Variants in RB1CC1 observed in about 807,000 individuals in gnomAD.
The protein encoded by RB1CC1 is RB1-inducible coiled-coil protein 1.
In RB1CC1, 46 loss-of-function variants were observed where a neutral mutation model predicts 177.5. The ratio of observed to expected loss-of-function variants is 0.26; its 90% CI spans 0.20 to 0.33. The LOEUF (loss-of-function observed/expected upper bound fraction) is 0.33, where lower values mean the gene tolerates loss of function less well. Ranked by LOEUF, RB1CC1 falls within the 10% of genes least tolerant of loss-of-function variation. RB1CC1 has a pLI of 1.00. For missense variants in RB1CC1, 1,703 were observed against 1,816.3 expected (o/e 0.94, Z 1.13); for synonymous variants, 666 against 613.6 (o/e 1.09, Z -1.26).
intron 5 of RB1CC1, among the ~76,000 whole-genome samples, chr8:52,678,925 T>A (rs16918091): frequency 0.024 from 3,604 of 152,278 alleles, 164 homozygotes; most frequent in African/African-American, 0.082. Flanking sequence ...GATAATGAAG[T>A]AAAGATGTCT....
intron 1 of RB1CC1, among the ~76,000 whole-genome samples, chr8:52,687,708 G>A (rs1415427688): frequency 6.6e-6 from 1 of 152,114 alleles, no homozygotes; most frequent in African/African-American, 2.4e-5. Flanking sequence ...TCCTTTCCTA[G>A]TTGAGCCTCA....
intron 19 of RB1CC1, among the ~76,000 whole-genome samples, chr8:52,635,758 C>A (rs1325986799): frequency 6.6e-6 from 1 of 152,004 alleles, no homozygotes; most frequent in Non-Finnish European, 1.5e-5. Flanking sequence ...TAAAAACTAC[C>A]AACTTTTTCC....
intron 20 of RB1CC1, among the ~76,000 whole-genome samples, chr8:52,631,435 C>G (rs902775342): frequency 2.6e-5 from 4 of 152,098 alleles, no homozygotes; most frequent in African/African-American, 9.7e-5. Context: ...AGCAAAGACA[C>G]CTGGTGACCA....
intron 10 of RB1CC1, 28 bp downstream of exon 10, chr8:52,661,067 C>T: frequency 1.9e-6 from 3 of 1,611,100 alleles, no homozygotes; most frequent in Non-Finnish European, 2.5e-6. Flanking sequence ...AGTTCATATA[C>T]AGTTAAAATA....
Position 52,622,553 on chromosome 8 carries a change from T to TA in RB1CC1, c.*1228dup, listed in dbSNP as rs1386254416. ...TTTTGTACTATTAGATATACATATT[T>TA]AAAAAAATATTTAACTTATTTTTAT... On this transcript the variant is annotated 3_prime_UTR_variant, in exon 24 of 24. Transcript: ENST00000025008. 2 of 151,984 alleles carry TA rather than the reference T, an allele frequency of 1.3e-5. No homozygotes were observed. The highest frequency in any genetic ancestry group is 4.8e-5 in the African/African-American group (2 of 41,408). The allele number at this position is 151,984 out of a possible 1,614,324, so 9.4% of individuals were successfully genotyped here.
intron 19 of RB1CC1, 149 bp from the exon 20 acceptor site, chr8:52,635,117 A>C: frequency 1.5e-6 from 1 of 687,172 alleles, no homozygotes. Context: ...ATTCTTTCCA[A>C]ATGTTTTCAT....
chr8:52,655,704 CAA>C (rs1200145297), intron 15 of RB1CC1, among the ~76,000 whole-genome samples: 6 of 151,740 alleles, frequency 4.0e-5, no homozygotes, highest in South Asian at 2.1e-4. Flanking sequence ...GCAAATAAAT[CAA>C]GAGAGAAACT....
At chr8:52,670,484 T>C (rs1852471399) in intron 7 of RB1CC1, among the ~76,000 whole-genome samples, 1 of 152,190 alleles carries the variant, frequency 6.6e-6, no homozygotes, top group South Asian at 2.1e-4. Context: ...ACACTCTCTA[T>C]TCTTAAGCCT....
chr8:52,637,212 G>T (rs889743096), intron 18 of RB1CC1, among the ~76,000 whole-genome samples: 1 of 152,158 alleles, frequency 6.6e-6, no homozygotes, highest in African/African-American at 2.4e-5. Flanking sequence ...AGTAAACACA[G>T]GATGCCCTAC....
chr8:52,661,742 A>C (rs1258789964), intron 8 of RB1CC1, 23 bp from the exon 9 acceptor site: 1 of 1,505,718 alleles, frequency 6.6e-7, no homozygotes, highest in Non-Finnish European at 8.9e-7. Flanking sequence ...AAATGTTTCA[A>C]AGGACATTAA....
chr8:52,691,367 T>TC (rs1246721848), intron 1 of RB1CC1, among the ~76,000 whole-genome samples: 1 of 152,182 alleles, frequency 6.6e-6, no homozygotes, highest in Non-Finnish European at 1.5e-5. Flanking sequence ...TGCACACACC[T>TC]CACCCTAAGA....
At chr8:52,712,729 CAT>C (rs1857164919) in intron 1 of RB1CC1, among the ~76,000 whole-genome samples, 1 of 152,144 alleles carries the variant, frequency 6.6e-6, no homozygotes. Flanking sequence ...GCATCCCTGA[CAT>C]AAAACTTTAT....
intron 21 of RB1CC1, among the ~76,000 whole-genome samples, chr8:52,628,375 G>A (rs916535831): frequency 2.2e-4 from 34 of 152,202 alleles, no homozygotes; most frequent in Middle Eastern, 3.4e-3. Context: ...ATGATGTCAG[G>A]GGCTGTCAAA....
intron 8 of RB1CC1, among the ~76,000 whole-genome samples, chr8:52,667,468 T>C (rs1389327061): frequency 6.6e-6 from 1 of 152,304 alleles, no homozygotes; most frequent in African/African-American, 2.4e-5. Context: ...CTAGCCATGG[T>C]GGGTGAAGGA....
chr8:52,629,114 CAG>C (rs1848588646), intron 21 of RB1CC1, among the ~76,000 whole-genome samples: 1 of 152,064 alleles, frequency 6.6e-6, no homozygotes, highest in Non-Finnish European at 1.5e-5. Flanking sequence ...CTGGTAAAGA[CAG>C]ATACCACTAA....
intron 7 of RB1CC1, among the ~76,000 whole-genome samples, chr8:52,671,000 A>T (rs2150542331): frequency 6.6e-6 from 1 of 152,274 alleles, no homozygotes; most frequent in South Asian, 2.1e-4. Flanking sequence ...ACTAAAATCT[A>T]AAAATATGAG....
intron 18 of RB1CC1, among the ~76,000 whole-genome samples, chr8:52,641,450 T>C (rs565197712): frequency 6.6e-6 from 1 of 151,764 alleles, no homozygotes; most frequent in Admixed American, 6.6e-5. Flanking sequence ...GCAACCCTGC[T>C]GGTGTATCAT....
At chr8:52,643,112 G>C (rs761514491) in intron 16 of RB1CC1, 2 of 196,650 alleles carry the variant, frequency 1.0e-5, no homozygotes, top group Non-Finnish European at 2.0e-5. Flanking sequence ...AGTGCTGTTA[G>C]ACACTTACTT....
intron 4 of RB1CC1, 55 bp from the exon 5 acceptor site, chr8:52,683,774 C>T (rs1055237047): frequency 1.3e-5 from 20 of 1,556,600 alleles, no homozygotes; most frequent in African/African-American, 8.3e-5. Flanking sequence ...AAATACTGAG[C>T]GTGCACATTG....
Sources: gnomAD v4.1 joint callset for allele counts (sites outside exome capture counted in the v4.1 genomes callset) on GRCh38, gnomAD v4.1.1 for gene constraint, MANE v1.5 for transcripts, NCBI Gene and HGNC (gene_info 2026-07-23, HGNC 2026-07-21) for gene names.